Variants in EXOC4 observed in about 807,000 individuals in gnomAD.
EXOC4 encodes the protein SEC8-like 1.
A neutral mutation model predicts 107.2 loss-of-function variants in EXOC4; 71 were observed. The observed-to-expected ratio is 0.66, with a 90% CI of 0.55 to 0.81. The LOEUF (loss-of-function observed/expected upper bound fraction) is 0.81. EXOC4 is among the 30% of genes least tolerant of loss of function. The pLI is 0.00. For synonymous variants in EXOC4, 456 were observed against 441.2 expected, an observed-to-expected ratio of 1.03 and a Z score of -0.42; for missense variants, 1,108 against 1,189.6, an observed-to-expected ratio of 0.93 and a Z score of 1.01.
chr7:133,600,155 G>C (rs1005333645), intron 9 of EXOC4, among the ~76,000 whole-genome samples: 1 of 152,010 alleles, frequency 6.6e-6, no homozygotes, highest in Admixed American at 6.6e-5. Context: ...GTTGGCCTTG[G>C]CCTCCCGAAG....
intron 17 of EXOC4, among the ~76,000 whole-genome samples, chr7:134,022,606 G>A (rs188986810): frequency 2.0e-5 from 3 of 151,842 alleles, no homozygotes; most frequent in African/African-American, 7.3e-5. Flanking sequence ...GCAGCTCCTT[G>A]CCTGGGGTTC....
intron 11 of EXOC4, among the ~76,000 whole-genome samples, chr7:133,852,686 C>G (rs1018948113): frequency 2.6e-5 from 4 of 152,110 alleles, no homozygotes; most frequent in South Asian, 2.1e-4. Flanking sequence ...TCAATAGTTT[C>G]TAAAATCCTT....
intron 11 of EXOC4, among the ~76,000 whole-genome samples, chr7:133,877,740 G>T (rs142334799): frequency 6.6e-6 from 1 of 152,200 alleles, no homozygotes; most frequent in Non-Finnish European, 1.5e-5. Context: ...CACAGATCTT[G>T]TGCTCACACA....
chr7:133,547,260 T>A (rs914697550), intron 9 of EXOC4, among the ~76,000 whole-genome samples: 1 of 152,214 alleles, frequency 6.6e-6, no homozygotes. Flanking sequence ...GCATTACGTC[T>A]GAAAAACAAA....
At chr7:133,848,863 A>C (rs1161763706) in intron 11 of EXOC4, among the ~76,000 whole-genome samples, 1 of 152,246 alleles carries the variant, frequency 6.6e-6, no homozygotes. Flanking sequence ...TCAGTTCTGC[A>C]GCTCTCTCAG....
At chr7:133,716,520 A>C (rs1795001801) in intron 10 of EXOC4, among the ~76,000 whole-genome samples, 1 of 152,212 alleles carries the variant, frequency 6.6e-6, no homozygotes, top group South Asian at 2.1e-4. Flanking sequence ...GAAAACATAA[A>C]ATGGTTTTTA....
At position 133,630,043 on chromosome 7, in the gene EXOC4, AG is replaced by A; in HGVS notation, c.1421del. On this transcript the variant is annotated splice_acceptor_variant, in intron 9 of 17. Transcript: ENST00000253861. LOFTEE classifies it high-confidence loss of function. ...GTCTGTTTTTTTTCTTTCTTCTGAA[AG>A]GGGGTCCTGATGACAACTTAATTGA... is the stretch of plus-strand genomic sequence containing the variant. 6.2e-7 allele frequency: 1 copy of A among 1,611,168 alleles called. No individual in the cohort carries two copies. Among genetic ancestry groups the A allele is most frequent in the Non-Finnish European group, 8.5e-7 (1 of 1,177,680 alleles).
chr7:133,875,652 T>G (rs1303534794), intron 11 of EXOC4, among the ~76,000 whole-genome samples: 1 of 152,118 alleles, frequency 6.6e-6, no homozygotes, highest in African/African-American at 2.4e-5. Context: ...ACTTGCTGAG[T>G]TACTTCACAC....
chr7:133,999,279 T>C (rs1323711935), intron 15 of EXOC4, among the ~76,000 whole-genome samples: 1 of 152,148 alleles, frequency 6.6e-6, no homozygotes, highest in Non-Finnish European at 1.5e-5. Context: ...CCCTTGGGAA[T>C]ATGTTTGGAC....
At chr7:134,081,078 C>A in the EXOC4 span, among the ~76,000 whole-genome samples, 1,034 of 152,280 alleles carry the variant, frequency 6.8e-3, 11 homozygotes, top group African/African-American at 0.023. Flanking sequence ...CATGGTGGCT[C>A]ATGCCTGTAA....
At chr7:133,331,288 T>A (rs1795381163) in intron 5 of EXOC4, among the ~76,000 whole-genome samples, 1 of 152,088 alleles carries the variant, frequency 6.6e-6, no homozygotes, top group African/African-American at 2.4e-5. Context: ...GGCATTTATC[T>A]GATGGAGATT....
chr7:133,482,914 C>T lies in EXOC4; in HGVS notation c.1417+2776C>T, dbSNP rs868380060. Among the ~76,000 whole-genome samples, 6 of 152,164 alleles carry T rather than the reference C, an allele frequency of 3.9e-5. No individual in the cohort carries two copies. In the South Asian group the frequency reaches 6.2e-4, roughly 16 times the overall value. ...AGCTTTCCAAGTTAAATTTAGGTAT[C>T]GCTCATTTGGATGGGCTTCCCTGTT... On this transcript the variant is annotated intron_variant, in intron 9 of 17. Transcript: ENST00000253861.
At chr7:133,669,348 ACATGGTGGGGGAAGC>A (rs1446721018) in intron 10 of EXOC4, among the ~76,000 whole-genome samples, 1 of 152,114 alleles carries the variant, frequency 6.6e-6, no homozygotes, top group Non-Finnish European at 1.5e-5. Flanking sequence ...TCCACACATC[ACATGGTGGGGGAAGC>A]CATTGCTGAG....
intron 10 of EXOC4, among the ~76,000 whole-genome samples, chr7:133,645,433 C>T (rs552419310): frequency 1.3e-5 from 2 of 152,002 alleles, no homozygotes; most frequent in African/African-American, 2.4e-5. Flanking sequence ...TCAGTGGTCC[C>T]TTTCCTTTTC....
intron 10 of EXOC4, among the ~76,000 whole-genome samples, chr7:133,783,615 T>C (rs945867077): frequency 9.9e-5 from 15 of 152,238 alleles, no homozygotes; most frequent in African/African-American, 3.4e-4. Flanking sequence ...AAAGTGTGTA[T>C]TCGGTGAACT....
chr7:133,451,989 C>T (rs1159133554), intron 7 of EXOC4, among the ~76,000 whole-genome samples: 1 of 152,168 alleles, frequency 6.6e-6, no homozygotes, highest in Non-Finnish European at 1.5e-5. Context: ...ACCATCTTAA[C>T]CATTTTTAAT....
chr7:133,298,811 T>G (rs1794578521), intron 3 of EXOC4, among the ~76,000 whole-genome samples: 1 of 152,134 alleles, frequency 6.6e-6, no homozygotes, highest in African/African-American at 2.4e-5. Context: ...AAGAAAGAAT[T>G]AAGAATTATA....
chr7:133,710,379 G>T (rs976452013), intron 10 of EXOC4, among the ~76,000 whole-genome samples: 1 of 152,058 alleles, frequency 6.6e-6, no homozygotes, highest in Non-Finnish European at 1.5e-5. Context: ...TGGTAGTTGC[G>T]GCCGGGCGCG....
At chr7:134,019,078 C>T (rs1026938977) in intron 17 of EXOC4, among the ~76,000 whole-genome samples, 11 of 151,966 alleles carry the variant, frequency 7.2e-5, no homozygotes, top group Admixed American at 6.6e-5. Flanking sequence ...TAAAGGCACG[C>T]GCCACTACAC....
Sources: allele counts gnomAD v4.1 joint callset (sites outside exome capture counted in the v4.1 genomes callset), GRCh38; gene constraint gnomAD v4.1.1; transcripts MANE v1.5; gene names NCBI Gene and HGNC (gene_info 2026-07-23, HGNC 2026-07-21).